Variants in CACNA1C observed in about 807,000 individuals in gnomAD.
The protein encoded by CACNA1C is calcium voltage-gated channel subunit alpha1 C, also known as voltage-dependent L-type calcium channel subunit alpha-1C.
CACNA1C carries 30 observed loss-of-function variants against 229.0 expected under a neutral mutation model. The ratio of observed to expected loss-of-function variants is 0.13; its 90% CI spans 0.10 to 0.18. CACNA1C has a LOEUF of 0.18. Among genes scored for constraint, CACNA1C ranks in the 10% least tolerant of loss-of-function variants. CACNA1C has a pLI of 1.00. For missense variants in CACNA1C, 1,658 were observed against 2,845.0 expected (o/e 0.58, Z 9.49); for synonymous variants, 1,114 against 1,132.5 (o/e 0.98, Z 0.33).
At chr12:2,226,765 T>A (rs1007219039) in intron 3 of CACNA1C, among the ~76,000 whole-genome samples, 35 of 152,196 alleles carry the variant, frequency 2.3e-4, no homozygotes, top group Admixed American at 9.8e-4. Flanking sequence ...CCCATCTCCC[T>A]CCAGTTCTCG....
chr12:2,272,679 C>A (rs889879404), intron 3 of CACNA1C, among the ~76,000 whole-genome samples: 4 of 152,198 alleles, frequency 2.6e-5, no homozygotes, highest in Non-Finnish European at 5.9e-5. Flanking sequence ...GTTCTTCTCA[C>A]CCCATCAGTA....
chr12:2,144,456 C>T (rs1205156010), intron 3 of CACNA1C, among the ~76,000 whole-genome samples: 1 of 151,314 alleles, frequency 6.6e-6, no homozygotes, highest in Non-Finnish European at 1.5e-5. Context: ...AATTACCTAT[C>T]GAGCACCTAT....
chr12:2,695,680 C>T lies in CACNA1C; in HGVS notation c.*4481C>T, dbSNP rs530098455. 17 of 152,416 alleles carry T rather than the reference C, an allele frequency of 1.1e-4. No homozygotes were observed. The highest frequency in any genetic ancestry group is 1.1e-3 in the Admixed American group (17 of 15,306). The allele number at this position is 152,416 out of a possible 1,614,324, so 9.4% of individuals were successfully genotyped here. On this transcript the variant is annotated 3_prime_UTR_variant, in exon 47 of 47. Transcript: ENST00000399655. ...CCCCAGCCCCAGCTCCCTGTCCTCCCCAACACCTAGTGAGAAAGACGGTGC... is the reference window on the plus strand; with the variant it reads ...CCCCAGCCCCAGCTCCCTGTCCTCCTCAACACCTAGTGAGAAAGACGGTGC...
chr12:2,341,561 C>T (rs2096864765), intron 3 of CACNA1C, among the ~76,000 whole-genome samples: 1 of 152,222 alleles, frequency 6.6e-6, no homozygotes, highest in South Asian at 2.1e-4. Context: ...GAGGCAGCCT[C>T]CCGCGGAGCC....
intron 13 of CACNA1C, among the ~76,000 whole-genome samples, chr12:2,571,480 T>C (rs1227350239): frequency 6.6e-6 from 1 of 152,226 alleles, no homozygotes; most frequent in Non-Finnish European, 1.5e-5. Flanking sequence ...TATATTTCTA[T>C]AGAAAAGAAA....
At chr12:2,501,209 CAAAAAAAAA>C (rs59324696) in intron 7 of CACNA1C, among the ~76,000 whole-genome samples, 20 of 31,386 alleles carry the variant, frequency 6.4e-4, no homozygotes, top group African/African-American at 2.2e-3. Flanking sequence ...GACTCCACCT[CAAAAAAAAA>C]AAAAAAAAAA....
intron 5 of CACNA1C, among the ~76,000 whole-genome samples, chr12:2,485,294 T>C (rs977588645): frequency 1.3e-5 from 2 of 152,074 alleles, no homozygotes; most frequent in African/African-American, 2.4e-5. Flanking sequence ...CACACGTGAC[T>C]TTCTCGGGGC....
At chr12:2,417,684 A>G (rs1401583535) in intron 3 of CACNA1C, among the ~76,000 whole-genome samples, 1 of 152,166 alleles carries the variant, frequency 6.6e-6, no homozygotes, top group Admixed American at 6.5e-5. Flanking sequence ...CCTCCCAGGT[A>G]GCAGAACGTT....
At chr12:2,080,749 A>G (rs953905954) in intron 1 of CACNA1C, among the ~76,000 whole-genome samples, 4 of 152,222 alleles carry the variant, frequency 2.6e-5, no homozygotes, top group Non-Finnish European at 4.4e-5. Flanking sequence ...AACTTAATGG[A>G]TGGATTAAAC....
rs778735694 is a variant in CACNA1C at position 2,649,651 on chromosome 12, G to A, written c.3945+1144G>A. Among the ~76,000 whole-genome samples, 6 of 152,100 alleles carry A rather than the reference G, an allele frequency of 3.9e-5. No homozygotes were observed. The highest frequency in any genetic ancestry group is 4.2e-4 in the South Asian group (2 of 4,818). ...CTCTGAACAGTGGAATGGAATTCAC[G>A]CTGCAAGCTTGGTGTTTGGCGTTTT... On this transcript the variant is annotated intron_variant, in intron 31 of 46. Coordinates refer to ENST00000399655, the MANE Select transcript of CACNA1C (RefSeq NM_000719.7). This position sits in a 1 kb window ranked among gnomAD's most constrained non-coding sequence, Gnocchi z 4.4.
At chr12:2,107,610 G>T (rs1448321542) in intron 1 of CACNA1C, among the ~76,000 whole-genome samples, 1 of 152,252 alleles carries the variant, frequency 6.6e-6, no homozygotes, top group Non-Finnish European at 1.5e-5. Context: ...TTTGGCCATT[G>T]AGAAGAAAGT....
chr12:2,663,573 C>T (rs948285235), intron 34 of CACNA1C, among the ~76,000 whole-genome samples: 4 of 151,904 alleles, frequency 2.6e-5, no homozygotes, highest in Admixed American at 2.0e-4. Flanking sequence ...TTTGGGGACT[C>T]GGAGAAGGGC....
At chr12:2,246,012 A>AACTTTGTGCGTG (rs2073036279) in intron 3 of CACNA1C, among the ~76,000 whole-genome samples, 2 of 152,240 alleles carry the variant, frequency 1.3e-5, no homozygotes, top group Admixed American at 1.3e-4. Flanking sequence ...GTGAAACCTC[A>AACTTTGTGCGTG]GTACCCTAAC....
At chr12:2,361,792 A>C (rs936898294) in intron 3 of CACNA1C, among the ~76,000 whole-genome samples, 2 of 152,266 alleles carry the variant, frequency 1.3e-5, no homozygotes, top group Non-Finnish European at 2.9e-5. Context: ...GCTGGCTTAG[A>C]TGGTGAGAAC....
At chr12:2,208,182 G>T (rs574037146) in intron 3 of CACNA1C, among the ~76,000 whole-genome samples, 1 of 152,316 alleles carries the variant, frequency 6.6e-6, no homozygotes, top group South Asian at 2.1e-4. Context: ...AGTATAAAGT[G>T]ATAAGCAAGG....
Position 2,053,222 on chromosome 12 carries a change from C to G in CACNA1C, c.-341C>G. Reference sequence around the variant, plus strand: ...CCGCGCGCCCCCCGCCCCTCCTCTCCGCCTCTTCTCGCCCTGCCTCTCCCG... The same window carrying G: ...CCGCGCGCCCCCCGCCCCTCCTCTCGGCCTCTTCTCGCCCTGCCTCTCCCG... On this transcript the variant is annotated 5_prime_UTR_variant, in exon 1 of 47. Transcript: ENST00000399655. The surrounding 1 kb of genome is among the most constrained non-coding windows in gnomAD (Gnocchi z 5.8). 1 of 1,018,482 alleles carries G rather than the reference C, an allele frequency of 9.8e-7. No individual in the cohort carries two copies. The highest frequency in any genetic ancestry group is 4.2e-5 in the South Asian group (1 of 24,056). The allele number at this position is 1,018,482 out of a possible 1,614,324, so 63.1% of individuals were successfully genotyped here.
intron 1 of CACNA1C, among the ~76,000 whole-genome samples, chr12:2,060,747 G>A (rs56018122): frequency 0.053 from 8,078 of 152,162 alleles, 300 homozygotes; most frequent in Middle Eastern, 0.092. Flanking sequence ...TAATACACTC[G>A]GCTACACTTG....
intron 3 of CACNA1C, among the ~76,000 whole-genome samples, chr12:2,180,379 G>A (rs118086820): frequency 6.6e-6 from 1 of 152,352 alleles, no homozygotes; most frequent in Non-Finnish European, 1.5e-5. Flanking sequence ...CAGGGCCTGA[G>A]TGCTGGCAAG....
chr12:2,024,395 G>A (rs2046964504), intron 1 of CACNA1C, among the ~76,000 whole-genome samples: 1 of 152,198 alleles, frequency 6.6e-6, no homozygotes, highest in South Asian at 2.1e-4. Flanking sequence ...AAGGGGGGTA[G>A]ACATTTATTT....
Sources: allele counts gnomAD v4.1 joint callset (sites outside exome capture counted in the v4.1 genomes callset), GRCh38; gene constraint gnomAD v4.1.1; non-coding constraint Gnocchi (gnomAD v3.1); transcripts MANE v1.5; gene names NCBI Gene and HGNC (gene_info 2026-07-23, HGNC 2026-07-21).